The following TTC19 variants were observed in gnomAD, a reference collection of about 807,000 sequenced individuals.
TTC19 encodes the protein tetratricopeptide repeat domain 19.
In TTC19, 38 loss-of-function variants were observed where a neutral mutation model predicts 49.5. The ratio of observed to expected loss-of-function variants is 0.77; its 90% CI spans 0.59 to 1.01. The LOEUF (loss-of-function observed/expected upper bound fraction) is 1.01. TTC19 is among the 50% of genes least tolerant of loss of function. The pLI is 0.00. For synonymous variants in TTC19, 204 were observed against 185.2 expected (o/e 1.10, Z -0.83); for missense variants, 475 against 477.7 (o/e 0.99, Z 0.05).
rs1567578853 is a variant in TTC19 at position 16,006,562 on chromosome 17, ATGTCAGG to A, written c.672_676+2del. The A allele has an allele frequency of 3.7e-6, 6 of 1,604,152 alleles. No homozygotes were observed. The highest frequency in any genetic ancestry group is 5.1e-6 in the Non-Finnish European group (6 of 1,170,868). ...AGAAAAGGAATTAGCAGAAGACATT[ATGTCAGG>A]TAGGAAACCCATTATCTGGGCATTG... On this transcript the variant is annotated splice_donor_variant and coding_sequence_variant, in exon 7 of 10. Transcript: ENST00000261647. LOFTEE classifies it high-confidence loss of function.
chr17:16,017,767 A>G (rs1381711811), intron 7 of TTC19, among the ~76,000 whole-genome samples: 1 of 152,212 alleles, frequency 6.6e-6, no homozygotes. Flanking sequence ...ATCTCAAACA[A>G]CAAAACAAAA....
chr17:16,030,588 G>A (rs566274567), downstream of TTC19: 1 of 183,722 alleles, frequency 5.4e-6, no homozygotes, highest in African/African-American at 2.4e-5. Flanking sequence ...TATATCTGTT[G>A]TAAAAAATAC....
chr17:16,026,673 G>A lies in TTC19; in HGVS notation c.965G>A (p.Ser322Asn), dbSNP rs772277709. The change falls in exon 9 of 10, where the codon AGT becomes AAT. Residue 322 changes from serine to asparagine, a missense_variant. Physicochemically the swap from Ser to Asn is conservative, Grantham distance 46 (BLOSUM62 1). Transcript: ENST00000261647. Reference sequence around the variant, plus strand: ...CATCCTGAGCTACACATGGTACTCAGTAATCTAGCTGCAGTTTTGATGCAC... The same window carrying A: ...CATCCTGAGCTACACATGGTACTCAATAATCTAGCTGCAGTTTTGATGCAC... ...INHPELHMVL[S>N]NLAAVLMHRE... The A allele has an allele frequency of 5.0e-6, 8 of 1,614,168 alleles. No homozygotes were observed.
At chr17:16,004,092 AGAAT>A in intron 5 of TTC19, 105 bp from the exon 6 acceptor site, 1 of 1,235,186 alleles carries the variant, frequency 8.1e-7, no homozygotes, top group South Asian at 1.2e-5. Flanking sequence ...TCACTCTAAA[AGAAT>A]AAAGACTGTG....
intron 7 of TTC19, among the ~76,000 whole-genome samples, chr17:16,011,314 G>A (rs905901365): frequency 2.6e-5 from 4 of 152,170 alleles, no homozygotes; most frequent in African/African-American, 4.8e-5. Flanking sequence ...CTGAGTAGCT[G>A]GGATTACAGG....
At chr17:16,002,081 G>A (rs1970754331) in intron 3 of TTC19, 56 bp downstream of exon 3, 1 of 1,146,262 alleles carries the variant, frequency 8.7e-7, no homozygotes, top group Non-Finnish European at 1.3e-6. Context: ...GGGAGGGAAG[G>A]GTAGTTAGTT....
intron 7 of TTC19, among the ~76,000 whole-genome samples, chr17:16,007,435 A>G (rs528236767): frequency 4.5e-4 from 60 of 133,226 alleles, no homozygotes; most frequent in African/African-American, 1.3e-3. Flanking sequence ...CAACCTCAGC[A>G]TACAGTTTTT....
intron 2 of TTC19, among the ~76,000 whole-genome samples, chr17:16,044,121 A>G (rs1297288054): frequency 6.9e-6 from 1 of 145,834 alleles, no homozygotes; most frequent in East Asian, 2.0e-4. Context: ...GTGAGCCGAG[A>G]TCGTGCCACT....
Position 16,029,116 on chromosome 17 carries a change from A to G in TTC19, c.*1594A>G, listed in dbSNP as rs1335683637. On this transcript the variant is annotated 3_prime_UTR_variant, in exon 10 of 10. Coordinates refer to ENST00000261647, the MANE Select transcript of TTC19 (RefSeq NM_017775.4). Reference sequence around the variant, plus strand: ...TCAACCACTCACCTTTTGCATTGAGAATGTTTTTACCTTTTCACAACTGCA... The same window carrying G: ...TCAACCACTCACCTTTTGCATTGAGGATGTTTTTACCTTTTCACAACTGCA... 6.6e-6 allele frequency: 3 copies of G among 452,146 alleles called. No individual in the cohort carries two copies. Among genetic ancestry groups the G allele is most frequent in the Middle Eastern group, 6.8e-4 (1 of 1,460 alleles). The allele number at this position is 452,146 out of a possible 1,614,324, so 28.0% of individuals were successfully genotyped here.
At chr17:16,000,425 C>G (rs1351565501) in intron 2 of TTC19, 180 bp downstream of exon 2, 1 of 1,455,920 alleles carries the variant, frequency 6.9e-7, no homozygotes, top group Non-Finnish European at 9.1e-7. Context: ...CAGGCTTTTC[C>G]GACTCTAAGG....
chr17:16,002,928 G>T (rs1398604848), intron 4 of TTC19, 97 bp downstream of exon 4: 2 of 1,146,986 alleles, frequency 1.7e-6, no homozygotes, highest in East Asian at 2.4e-5. Context: ...ATAACAAAGA[G>T]ACCCTAGAAT....
intron 7 of TTC19, among the ~76,000 whole-genome samples, chr17:16,008,524 C>T (rs1488695427): frequency 1.3e-5 from 2 of 152,158 alleles, no homozygotes; most frequent in East Asian, 3.8e-4. Flanking sequence ...TGGTCCAGGC[C>T]ATCACTGTTT....
intron 2 of TTC19, chr17:16,040,942 G>C (rs115251986): frequency 0.019 from 3,131 of 167,176 alleles, 110 homozygotes; most frequent in African/African-American, 0.07. Flanking sequence ...TGCACTGCTG[G>C]AGAAAAACAA....
In TTC19 at chr17:16,012,595, A is replaced by G. The variant is rs140537615; in HGVS notation, c.676+6027A>G. On this transcript the variant is annotated intron_variant, in intron 7 of 9. Coordinates refer to ENST00000261647, the MANE Select transcript of TTC19 (RefSeq NM_017775.4). ...TCCTTAATCTTGTCACTATCATTCA[A>G]TGGCATGATCTCGGCTCACTGCAAC... is the stretch of plus-strand genomic sequence containing the variant. Among the ~76,000 whole-genome samples the G allele has an allele frequency of 5.5e-3, 826 of 151,304 alleles. 4 individuals carry two copies. Among genetic ancestry groups the G allele is most frequent in the African/African-American group, 0.019 (784 of 41,324 alleles).
intron 7 of TTC19, among the ~76,000 whole-genome samples, chr17:16,014,671 G>C (rs1382893639): frequency 6.6e-6 from 1 of 152,102 alleles, no homozygotes; most frequent in Admixed American, 6.5e-5. Context: ...TTTGGTTTTG[G>C]GATGCTGGCA....
chr17:16,004,383 T>A (rs770000986), intron 6 of TTC19, 121 bp downstream of exon 6: 5 of 928,088 alleles, frequency 5.4e-6, no homozygotes, highest in Non-Finnish European at 8.9e-6. Context: ...ACACTCAAAG[T>A]GTTCCATCCC....
chr17:16,044,575 AACT>A (rs1386429906), exon 3 of TTC19: 1 of 527,092 alleles, frequency 1.9e-6, no homozygotes, highest in East Asian at 5.3e-5. Flanking sequence ...TTCATCCGGC[AACT>A]ACCACCACGT....
In TTC19 at chr17:16,026,467, T is replaced by C. The variant is rs1971564289; in HGVS notation, c.832-73T>C. The C allele has an allele frequency of 2.9e-6, 4 of 1,369,978 alleles. No homozygotes were observed. In the Admixed American group the frequency reaches 5.4e-5, roughly 19 times the overall value. 84.9% of individuals were successfully genotyped at this position (1,369,978 alleles called of 1,614,324 possible). A position where few individuals can be genotyped will look rare whatever the true frequency, so the allele number is the denominator to read the frequency against. ...AGATGAAATCTTATGTATTCAGAGT[T>C]GGATGCACTCCACATTAAAGTTCTG... On this transcript the variant is annotated intron_variant, in intron 8 of 9. Transcript: ENST00000261647.
At chr17:16,040,511 A>G in intron 2 of TTC19, 4 of 1,609,596 alleles carry the variant, frequency 2.5e-6, no homozygotes, top group Non-Finnish European at 3.4e-6. Context: ...TTAAGCAAAC[A>G]TTCAAGTTAA....
Sources: gnomAD v4.1 joint callset for allele counts (sites outside exome capture counted in the v4.1 genomes callset) on GRCh38, gnomAD v4.1.1 for gene constraint, MANE v1.5 for transcripts, NCBI Gene and HGNC (gene_info 2026-07-23, HGNC 2026-07-21) for gene names.